The following KRTAP10-1 variants were observed in gnomAD, a reference collection of about 807,000 sequenced individuals.
KRTAP10-1 encodes the protein keratin associated protein 10-1.
For synonymous variants in KRTAP10-1, 155 were observed against 153.3 expected, an observed-to-expected ratio of 1.01 and a Z score of -0.08; for missense variants, 364 against 369.2, an observed-to-expected ratio of 0.99 and a Z score of 0.12.
chr21:44,540,019 G>A lies in KRTAP10-1; in HGVS notation c.132C>T (p.Thr44=), dbSNP rs782093418. 1 of 1,613,078 alleles carries A rather than the reference G, an allele frequency of 6.2e-7. No homozygotes were observed. Among genetic ancestry groups the A allele is most frequent in the South Asian group, 1.1e-5 (1 of 91,022 alleles). ...CACGGCTCACTGGGGTGCAGACCAG[G>A]GTCAGGCAGGGGGCCGGGGCGCAGC... ...LSCCAPAPCL[T]LVCTPVSRVS... The change falls in exon 1 of 1, where the codon ACC becomes ACT. Residue 44 remains threonine, a synonymous_variant. Coordinates refer to ENST00000400375, the MANE Select transcript of KRTAP10-1 (RefSeq NM_198691.3).
rs1172582933 is a variant in KRTAP10-1 at position 44,539,162 on chromosome 21, G to A, written c.*140C>T. On this transcript the variant is annotated 3_prime_UTR_variant, in exon 1 of 1. Coordinates refer to ENST00000400375, the MANE Select transcript of KRTAP10-1 (RefSeq NM_198691.3). The stretch of plus-strand genomic sequence containing the variant: ...GGATGGAGGCTCCTGGGAGCAAGGA[G>A]GGGGGGTCACCTCAGCACAGGGGAG... The A allele has an allele frequency of 6.5e-6, 9 of 1,382,522 alleles. No homozygotes were observed. In the Admixed American group the frequency reaches 1.4e-4, roughly 21 times the overall value. 85.6% of individuals were successfully genotyped at this position (1,382,522 alleles called of 1,614,324 possible). A position where few individuals can be genotyped will look rare whatever the true frequency, so the allele number is the denominator to read the frequency against.
chr21:44,539,507 C>G lies in KRTAP10-1; in HGVS notation c.644G>C (p.Ser215Thr). 6.2e-7 allele frequency: 1 copy of G among 1,613,622 alleles called. No homozygotes were observed. Among genetic ancestry groups the G allele is most frequent in the East Asian group, 2.2e-5 (1 of 44,874 alleles). Residue 215 changes from serine (S) to threonine (T), a missense_variant, in exon 1 of 1, where the codon AGC (serine) becomes ACC (threonine). Transcript: ENST00000400375. ...GASTSCCQQS[S>T]CQPACCTTSC... ...GGTGGTGCAGCAAGCCGGCTGGCAG[C>G]TAGACTGCTGGCAGCATGAAGTGGA...
Position 44,539,640 on chromosome 21 carries a change from G to C in KRTAP10-1, c.511C>G (p.Pro171Ala). Reference sequence around the variant, plus strand: ...CAGGGGGAGGAGGTGCAGCAAGCTGGATGGCAGCTAGACTGCTGGCAGCAT... The same window carrying C: ...CAGGGGGAGGAGGTGCAGCAAGCTGCATGGCAGCTAGACTGCTGGCAGCAT... ...SSCCQQSSCH[P>A]ACCTSSPCQQ... Residue 171 changes from proline (P) to alanine (A), a missense_variant, in exon 1 of 1, where the codon CCA (proline) becomes GCA (alanine). Coordinates refer to ENST00000400375, the MANE Select transcript of KRTAP10-1 (RefSeq NM_198691.3). 6.2e-7 allele frequency: 1 copy of C among 1,613,516 alleles called. No individual in the cohort carries two copies. Among genetic ancestry groups the C allele is most frequent in the Non-Finnish European group, 8.5e-7 (1 of 1,179,802 alleles).
rs2053175316 is a variant in KRTAP10-1 at position 44,539,711 on chromosome 21, C to T, written c.440G>A (p.Cys147Tyr). 1 of 1,595,128 alleles carries T rather than the reference C, an allele frequency of 6.3e-7. No homozygotes were observed. The highest frequency in any genetic ancestry group is 1.4e-5 in the African/African-American group (1 of 73,988). ...GGTGGGCACATAGCACACAGGCTTG[C>T]AGCAAACAGGCACACAGCAGGACTG... ...SQQSCCVPVC[C>Y]KPVCYVPTCS... Residue 147 changes from cysteine (C) to tyrosine (Y), a missense_variant, in exon 1 of 1, where the codon TGC becomes TAC. Coordinates refer to ENST00000400375, the MANE Select transcript of KRTAP10-1 (RefSeq NM_198691.3).
Position 44,539,145 on chromosome 21 carries a change from G to C in KRTAP10-1, c.*157C>G. ...GAGCTGGGGAGCTGCAAGGATGGAG[G>C]CTCCTGGGAGCAAGGAGGGGGGGTC... On this transcript the variant is annotated 3_prime_UTR_variant, in exon 1 of 1. Coordinates refer to ENST00000400375, the MANE Select transcript of KRTAP10-1 (RefSeq NM_198691.3). The C allele has an allele frequency of 7.7e-7, 1 of 1,301,918 alleles. No homozygotes were observed. Among genetic ancestry groups the C allele is most frequent in the Non-Finnish European group, 1.0e-6 (1 of 976,814 alleles). The allele number at this position is 1,301,918 out of a possible 1,614,324, so 80.6% of individuals were successfully genotyped here.
In KRTAP10-1 at chr21:44,539,908, C is replaced by A; in HGVS notation, c.243G>T (p.Gln81His). 3.1e-6 allele frequency: 5 copies of A among 1,614,078 alleles called. No homozygotes were observed. The highest frequency in any genetic ancestry group is 4.2e-6 in the Non-Finnish European group (5 of 1,180,004). ...AGCAAGCCGGCTGGCAGCTAGACTG[C>A]TGGCAGCACGAGGGCGTGCAGGAGC... Reference protein sequence around the residue: ...CTSSCTPSCCQQSSCQPACCT... With the variant: ...CTSSCTPSCCHQSSCQPACCT... The change falls in exon 1 of 1, where the codon CAG becomes CAT. Residue 81 changes from glutamine to histidine, a missense_variant. Physicochemically the swap from Gln to His is conservative, Grantham distance 24. Transcript: ENST00000400375.
Position 44,539,614 on chromosome 21 carries a change from G to T in KRTAP10-1, c.537C>A (p.Cys179Ter). The T allele has an allele frequency of 6.2e-7, 1 of 1,613,842 alleles. No individual in the cohort carries two copies. Among genetic ancestry groups the T allele is most frequent in the Non-Finnish European group, 8.5e-7 (1 of 1,179,928 alleles). The change falls in exon 1 of 1, where the codon TGC (cysteine) becomes TGA (stop). Residue 179 changes from cysteine to a stop codon, truncating the protein, a stop_gained. Transcript: ENST00000400375. LOFTEE classifies it low-confidence loss of function (END_TRUNC). ...CHPACCTSSP[C>*]QQACCVPVRC... Reference sequence around the variant, plus strand: ...GGACGGGCACGCAGCAGGCCTGCTGGCAGGGGGAGGAGGTGCAGCAAGCTG... The same window carrying T: ...GGACGGGCACGCAGCAGGCCTGCTGTCAGGGGGAGGAGGTGCAGCAAGCTG...
At position 44,540,065 on chromosome 21, in the gene KRTAP10-1, G is replaced by T. The variant is rs267606159; in HGVS notation, c.86C>A (p.Pro29His). 3.7e-6 allele frequency: 6 copies of T among 1,613,256 alleles called. No individual in the cohort carries two copies. The highest frequency in any genetic ancestry group is 4.2e-6 in the Non-Finnish European group (5 of 1,179,856). The part of the protein sequence containing the change: ...VDACPESCCE[P>H]HCCALSCCAP... ...GCAGCAGCTGAGGGCGCAGCAGTGG[G>T]GCTCACAGCAGCTCTCTGGGCAGGC... The change falls in exon 1 of 1, where the codon CCC becomes CAC. Residue 29 changes from proline to histidine, a missense_variant. By Grantham distance (77) the Pro-to-His change is moderately conservative. Transcript: ENST00000400375.
In KRTAP10-1 at chr21:44,539,526, A is replaced by G; in HGVS notation, c.625T>C (p.Ser209Pro). Residue 209 changes from serine (S) to proline (P), a missense_variant, in exon 1 of 1, where the codon TCA becomes CCA. Physicochemically the swap from Ser to Pro is moderately conservative, Grantham distance 74. Transcript: ENST00000400375. ...TGGCAGCTAGACTGCTGGCAGCATG[A>G]AGTGGAAGCCCCAGAGCAGACGGGC... ...CVPVCSGAST[S>P]CCQQSSCQPA... The G allele has an allele frequency of 1.2e-6, 2 of 1,613,608 alleles. No individual in the cohort carries two copies. Among genetic ancestry groups the G allele is most frequent in the Non-Finnish European group, 8.5e-7 (1 of 1,179,744 alleles).
chr21:44,539,851 G>A lies in KRTAP10-1; in HGVS notation c.300C>T (p.Cys100=), dbSNP rs587769771. 1.0e-4 allele frequency: 165 copies of A among 1,574,796 alleles called. No individual in the cohort carries two copies. In the East Asian group the frequency reaches 2.6e-3, roughly 24 times the overall value. ...ACACAGGCTTGCAGCAGACGGGCAC[G>A]CAGCAGGCCTGCTGGCAGGGGGAGG... ...CTSSPCQQAC[C]VPVCCKPVCC... is the part of the protein sequence containing the mutation. The change falls in exon 1 of 1, where the codon TGC becomes TGT. Residue 100 remains cysteine, a synonymous_variant. Coordinates refer to ENST00000400375, the MANE Select transcript of KRTAP10-1 (RefSeq NM_198691.3).
Position 44,539,894 on chromosome 21 carries a change from T to G in KRTAP10-1, c.257A>C (p.Gln86Pro). 1 of 1,614,068 alleles carries G rather than the reference T, an allele frequency of 6.2e-7. No individual in the cohort carries two copies. The highest frequency in any genetic ancestry group is 8.5e-7 in the Non-Finnish European group (1 of 1,179,978). ...TPSCCQQSSC[Q>P]PACCTSSPCQ... ...GGGGGAGGAGGTGCAGCAAGCCGGC[T>G]GGCAGCTAGACTGCTGGCAGCACGA... The change falls in exon 1 of 1, where the codon CAG becomes CCG. Residue 86 changes from glutamine (Q) to proline (P), a missense_variant. By Grantham distance (76) the Gln-to-Pro change is moderately conservative (BLOSUM62 -1). Coordinates refer to ENST00000400375, the MANE Select transcript of KRTAP10-1 (RefSeq NM_198691.3).
chr21:44,539,969 G>GTCA lies in KRTAP10-1; in HGVS notation c.181_182insTGA (p.Ala61delinsValThr). The GTCA allele has an allele frequency of 6.2e-7, 1 of 1,613,274 alleles. No individual in the cohort carries two copies. Among genetic ancestry groups the GTCA allele is most frequent in the African/African-American group, 1.3e-5 (1 of 74,944 alleles). On this transcript the variant is annotated protein_altering_variant, in exon 1 of 1. Transcript: ENST00000400375. ...TGATTGGCAGGGGCTGGGCTCACAG[G>GTCA]CTGCCTGGCAGCAGGGGCTGGACAC... is the stretch of plus-strand genomic sequence containing the variant.
At position 44,539,687 on chromosome 21, in the gene KRTAP10-1, G is replaced by A; in HGVS notation, c.464C>T (p.Thr155Ile). The change falls in exon 1 of 1, where the codon ACC becomes ATC. Residue 155 changes from threonine to isoleucine, a missense_variant. Thr to Ile is a moderately conservative substitution (Grantham distance 89). Transcript: ENST00000400375. ...GCATGAAGAGGAATCCTCAGAGCAG[G>A]TGGGCACATAGCACACAGGCTTGCA... ...VCCKPVCYVP[T>I]CSEDSSSCCQ... The A allele has an allele frequency of 6.3e-7, 1 of 1,594,100 alleles. No homozygotes were observed. The highest frequency in any genetic ancestry group is 8.5e-7 in the Non-Finnish European group (1 of 1,169,756).
In KRTAP10-1 at chr21:44,540,030, G is replaced by A. The variant is rs112631451; in HGVS notation, c.121C>T (p.Pro41Ser). The A allele has an allele frequency of 6.2e-7, 1 of 1,613,038 alleles. No individual in the cohort carries two copies. Among genetic ancestry groups the A allele is most frequent in the Admixed American group, 1.7e-5 (1 of 60,002 alleles). ...CCALSCCAPAPCLTLVCTPVS... is the reference protein window; with the variant it reads ...CCALSCCAPASCLTLVCTPVS... ...GGGGTGCAGACCAGGGTCAGGCAGG[G>A]GGCCGGGGCGCAGCAGCTGAGGGCG... Residue 41 changes from proline to serine, a missense_variant, in exon 1 of 1, where the codon CCC becomes TCC. Pro to Ser is a moderately conservative substitution (Grantham distance 74). Coordinates refer to ENST00000400375, the MANE Select transcript of KRTAP10-1 (RefSeq NM_198691.3).
Position 44,539,848 on chromosome 21 carries a change from C to G in KRTAP10-1, c.303G>C (p.Val101=). 1 of 1,576,028 alleles carries G rather than the reference C, an allele frequency of 6.3e-7. No homozygotes were observed. The highest frequency in any genetic ancestry group is 8.6e-7 in the Non-Finnish European group (1 of 1,159,032). Residue 101 remains valine (V), a synonymous_variant, in exon 1 of 1, where the codon GTG becomes GTC. Transcript: ENST00000400375. ...AGCACACAGGCTTGCAGCAGACGGGCACGCAGCAGGCCTGCTGGCAGGGGG... is the reference window on the plus strand; with the variant it reads ...AGCACACAGGCTTGCAGCAGACGGGGACGCAGCAGGCCTGCTGGCAGGGGG... The part of the protein sequence containing the change: ...TSSPCQQACC[V]PVCCKPVCCL...
At position 44,539,347 on chromosome 21, in the gene KRTAP10-1, G is replaced by A. The variant is rs782052279; in HGVS notation, c.804C>T (p.Cys268=). Reference sequence around the variant, plus strand: ...ACGCGGGGCGGCAGAGGAGGGACACGCAGGAGGCCGGGCGGCAGCAGCTGG... The same window carrying A: ...ACGCGGGGCGGCAGAGGAGGGACACACAGGAGGCCGGGCGGCAGCAGCTGG... ...CQASCCRPAS[C]VSLLCRPACS... Residue 268 remains cysteine (C), a synonymous_variant, in exon 1 of 1, where the codon TGC becomes TGT. Coordinates refer to ENST00000400375, the MANE Select transcript of KRTAP10-1 (RefSeq NM_198691.3). 34 of 1,612,152 alleles carry A rather than the reference G, an allele frequency of 2.1e-5. No individual in the cohort carries two copies. The highest frequency in any genetic ancestry group is 6.6e-5 in the South Asian group (6 of 90,976).
Position 44,539,415 on chromosome 21 carries a change from T to C in KRTAP10-1, c.736A>G (p.Met246Val), listed in dbSNP as rs147442908. 2,602 of 1,602,062 alleles carry C rather than the reference T, an allele frequency of 1.6e-3. 18 individuals are homozygous for C. The East Asian group carries it at 0.023, about 14-fold the overall frequency. ...GGGGCACAGCAGGAGGAGACAGGCA[T>C]ACAGCAGGCGGGCCGGCATACAGGG... Reference protein sequence around the residue: ...CRPVCRPACCMPVSSCCAPAS... With the variant: ...CRPVCRPACCVPVSSCCAPAS... The change falls in exon 1 of 1, where the codon ATG becomes GTG. Residue 246 changes from methionine to valine, a missense_variant. Met to Val is a conservative substitution (Grantham distance 21). Coordinates refer to ENST00000400375, the MANE Select transcript of KRTAP10-1 (RefSeq NM_198691.3).
In KRTAP10-1 at chr21:44,539,465, G is replaced by C. The variant is rs782261345; in HGVS notation, c.686C>G (p.Ser229Cys). 7.4e-6 allele frequency: 12 copies of C among 1,613,502 alleles called. No individual in the cohort carries two copies. In the South Asian group the frequency reaches 9.9e-5, roughly 13 times the overall value. The change falls in exon 1 of 1, where the codon TCC becomes TGC. Residue 229 changes from serine (S) to cysteine (C), a missense_variant. By Grantham distance (112) the Ser-to-Cys change is moderately radical (BLOSUM62 -1). Coordinates refer to ENST00000400375, the MANE Select transcript of KRTAP10-1 (RefSeq NM_198691.3). ...ACCTTSCCRP[S>C]SSVSLLCRPV... is the part of the protein sequence containing the mutation. ...GCGGCAGAGGAGGGACACGGAGGAG[G>C]AGGGTCTGCAGCAGGAGGTGGTGCA...
At position 44,539,304 on chromosome 21, in the gene KRTAP10-1, AGCAGGCCG is replaced by A; in HGVS notation, c.839_846del (p.Pro280LeufsTer25). The A allele has an allele frequency of 1.2e-6, 2 of 1,609,084 alleles. No individual in the cohort carries two copies. The highest frequency in any genetic ancestry group is 1.7e-6 in the Non-Finnish European group (2 of 1,177,666). ...GACTCCTGGCCTGAGCAGAGGCCTC[AGCAGGCCG>A]GGCGGGAGCACGCGGGGCGGCAGAG... is the stretch of plus-strand genomic sequence containing the variant. On this transcript the variant is annotated frameshift_variant, in exon 1 of 1. Coordinates refer to ENST00000400375, the MANE Select transcript of KRTAP10-1 (RefSeq NM_198691.3). LOFTEE classifies it high-confidence loss of function.
Sources: allele counts gnomAD v4.1 joint callset, GRCh38; gene constraint gnomAD v4.1.1; transcripts MANE v1.5; gene names NCBI Gene and HGNC (gene_info 2026-07-23, HGNC 2026-07-21).